Variants in PNLIPRP1 observed in about 807,000 individuals in gnomAD.
PNLIPRP1 encodes inactive pancreatic lipase-related protein 1.
Under a neutral mutation model 54.6 loss-of-function variants are expected in PNLIPRP1, and 57 were observed. The ratio of observed to expected loss-of-function variants is 1.04; its 90% CI spans 0.84 to 1.30. PNLIPRP1 has a LOEUF of 1.30. Ranked by LOEUF, PNLIPRP1 falls within the 50% of genes most tolerant of loss-of-function variation. The probability of loss-of-function intolerance (pLI) is 0.00; values close to 1 mark genes in which losing one functional copy is unlikely to be tolerated. For missense variants in PNLIPRP1, 567 were observed against 568.5 expected, an observed-to-expected ratio of 1.00 and a Z score of 0.03; for synonymous variants, 232 against 208.8, an observed-to-expected ratio of 1.11 and a Z score of -0.96.
intron 4 of PNLIPRP1, 85 bp downstream of exon 4, chr10:116,592,626 C>A: frequency 6.7e-7 from 1 of 1,492,164 alleles, no homozygotes; most frequent in Non-Finnish European, 9.3e-7. Context: ...CTCAAGAAAT[C>A]TTTACATATT....
chr10:116,593,032 G>A, intron 4 of PNLIPRP1: 1 of 204,206 alleles, frequency 4.9e-6, no homozygotes, highest in Non-Finnish European at 1.0e-5. Context: ...GCCTGTTGTG[G>A]TGGCAGGCTC....
chr10:116,608,955 G>A (rs530670141), intron 12 of PNLIPRP1, 98 bp from the exon 13 acceptor site: 2 of 972,932 alleles, frequency 2.1e-6, no homozygotes, highest in East Asian at 2.4e-5. Context: ...AACCCCTTAA[G>A]AAAAACCAAA....
intron 10 of PNLIPRP1, among the ~76,000 whole-genome samples, chr10:116,601,987 A>G (rs1847850052): frequency 6.6e-6 from 1 of 151,772 alleles, no homozygotes; most frequent in South Asian, 2.1e-4. Context: ...GATACAGAAC[A>G]CTTCTATCAC....
chr10:116,592,246 C>T, intron 3 of PNLIPRP1, 170 bp from the exon 4 acceptor site: 1 of 730,738 alleles, frequency 1.4e-6, no homozygotes, highest in South Asian at 1.9e-5. Context: ...AGTGATTACT[C>T]ACCTGGAGAG....
In PNLIPRP1 at chr10:116,594,765, CG is replaced by C. The variant is rs782305323; in HGVS notation, c.367del (p.Val123TrpfsTer33). 7 of 1,614,006 alleles carry C rather than the reference CG, an allele frequency of 4.3e-6. No individual in the cohort carries two copies. Among genetic ancestry groups the C allele is most frequent in the Middle Eastern group, 1.6e-4 (1 of 6,082 alleles). On this transcript the variant is annotated frameshift_variant, in exon 5 of 13. Coordinates refer to ENST00000358834, the MANE Select transcript of PNLIPRP1 (RefSeq NM_006229.4). LOFTEE classifies it high-confidence loss of function. ...AGGTGGAGGAGGTGAACTGCATCTGCGTGGACTGGAAGAAGGGCTCCCAAGC... is the reference window on the plus strand; with the variant it reads ...AGGTGGAGGAGGTGAACTGCATCTGCTGGACTGGAAGAAGGGCTCCCAAGC... ...FEVEEVNCIC[V>X]DWKKGSQATY...
chr10:116,605,648 A>G (rs1847924844), intron 12 of PNLIPRP1, 95 bp downstream of exon 12: 1 of 880,082 alleles, frequency 1.1e-6, no homozygotes, highest in Admixed American at 2.8e-5. Flanking sequence ...GTTAAGCAAG[A>G]AAAGCCAAGA....
chr10:116,596,256 C>T lies in PNLIPRP1; in HGVS notation c.508C>T (p.His170Tyr), dbSNP rs782016102. The T allele has an allele frequency of 1.1e-5, 17 of 1,613,814 alleles. No individual in the cohort carries two copies. The highest frequency in any genetic ancestry group is 1.4e-5 in the Non-Finnish European group (17 of 1,179,856). ...CCCTTCCAAAGTTCACCTCATTGGC[C>T]ACAGCCTGGGAGCCCACGTGGCTGG... ...YPPSKVHLIG[H>Y]SLGAHVAGEA... is the part of the protein sequence containing the mutation. Residue 170 changes from histidine (H) to tyrosine (Y), a missense_variant, in exon 6 of 13, where the codon CAC becomes TAC. Physicochemically the swap from His to Tyr is moderately conservative, Grantham distance 83 (BLOSUM62 2). Coordinates refer to ENST00000358834, the MANE Select transcript of PNLIPRP1 (RefSeq NM_006229.4).
Position 116,605,487 on chromosome 10 carries a change from T to A in PNLIPRP1, c.1274T>A (p.Ile425Lys), listed in dbSNP as rs201123001. ...KVKFLWNNNV[I>K]NPTLPKVGAT... ...AAGTTTCTTTGGAATAACAATGTGA[T>A]AAATCCAACCCTCCCCAAAGTGGGT... The change falls in exon 12 of 13, where the codon ATA becomes AAA. Residue 425 changes from isoleucine to lysine, a missense_variant. Coordinates refer to ENST00000358834, the MANE Select transcript of PNLIPRP1 (RefSeq NM_006229.4). The A allele has an allele frequency of 1.2e-6, 2 of 1,612,362 alleles. No homozygotes were observed. Among genetic ancestry groups the A allele is most frequent in the East Asian group, 2.2e-5 (1 of 44,852 alleles).
chr10:116,603,501 T>G (rs1195839386), intron 10 of PNLIPRP1, among the ~76,000 whole-genome samples: 2 of 152,210 alleles, frequency 1.3e-5, no homozygotes, highest in African/African-American at 4.8e-5. Flanking sequence ...ATGTGGCTGG[T>G]GACCTCCTCC....
intron 4 of PNLIPRP1, 32 bp from the exon 5 acceptor site, chr10:116,594,698 T>C: frequency 6.2e-7 from 1 of 1,613,282 alleles, no homozygotes; most frequent in Non-Finnish European, 8.5e-7. Flanking sequence ...GCTCCCATTA[T>C]CTCCCCAACC....
chr10:116,599,814 C>T (rs1271257376), intron 8 of PNLIPRP1, among the ~76,000 whole-genome samples: 3 of 152,068 alleles, frequency 2.0e-5, no homozygotes, highest in African/African-American at 7.2e-5. Context: ...TACCCACCTC[C>T]TAGGAAGACT....
chr10:116,601,621 C>T lies in PNLIPRP1; in HGVS notation c.1063+420C>T, dbSNP rs368277689. 3.0e-3 allele frequency among the ~76,000 whole-genome samples: 455 copies of T among 152,338 alleles called. 3 individuals carry two copies. The highest frequency in any genetic ancestry group is 0.02 in the Middle Eastern group (6 of 294). On this transcript the variant is annotated intron_variant, in intron 10 of 12. Coordinates refer to ENST00000358834, the MANE Select transcript of PNLIPRP1 (RefSeq NM_006229.4). ...TTAAGAAGCCCAACTCCATTCTCTG[C>T]TTTCCCCTCTGTCTGTGCATCCCTG...
At chr10:116,604,752 G>A (rs148169646) in intron 11 of PNLIPRP1, among the ~76,000 whole-genome samples, 1,454 of 135,536 alleles carry the variant, frequency 0.011, 17 homozygotes, top group African/African-American at 0.033. Flanking sequence ...GCAGTGGCAC[G>A]ATCTTGGCTC....
At chr10:116,600,939 A>T in intron 9 of PNLIPRP1, 133 bp from the exon 10 acceptor site, 2 of 738,490 alleles carry the variant, frequency 2.7e-6, no homozygotes, top group Non-Finnish European at 4.4e-6. Context: ...TTTAGAGATC[A>T]TCTGCTCCAA....
At position 116,605,046 on chromosome 10, in the gene PNLIPRP1, T is replaced by C. The variant is rs544916693; in HGVS notation, c.1173-340T>C. 5.3e-5 allele frequency among the ~76,000 whole-genome samples: 8 copies of C among 152,304 alleles called. No individual in the cohort carries two copies. The East Asian group carries it at 1.5e-3, about 29-fold the overall frequency. ...CATAAATCTAATATTACTTCAGATATGCTGTTTTCTGATTAGTGCAATAAC... is the reference window on the plus strand; with the variant it reads ...CATAAATCTAATATTACTTCAGATACGCTGTTTTCTGATTAGTGCAATAAC... On this transcript the variant is annotated intron_variant, in intron 11 of 12. Coordinates refer to ENST00000358834, the MANE Select transcript of PNLIPRP1 (RefSeq NM_006229.4).
chr10:116,592,009 C>A (rs1477269941), intron 3 of PNLIPRP1, 84 bp downstream of exon 3: 64 of 1,430,708 alleles, frequency 4.5e-5, no homozygotes, highest in Non-Finnish European at 5.8e-5. Flanking sequence ...TATCTCTGTG[C>A]CCTCTTCCTC....
In PNLIPRP1 at chr10:116,594,882, C is replaced by T. The variant is rs200776839; in HGVS notation, c.465+18C>T. 2 of 1,613,070 alleles carry T rather than the reference C, an allele frequency of 1.2e-6. No homozygotes were observed. Among genetic ancestry groups the T allele is most frequent in the South Asian group, 2.2e-5 (2 of 90,932 alleles). On this transcript the variant is annotated intron_variant, in intron 5 of 12. Coordinates refer to ENST00000358834, the MANE Select transcript of PNLIPRP1 (RefSeq NM_006229.4). ...TCCTCTTGGTGAGTCAGCTGGCTGGCCTATGTGAGGAGGGAAGCAGTGCCT... is the reference window on the plus strand; with the variant it reads ...TCCTCTTGGTGAGTCAGCTGGCTGGTCTATGTGAGGAGGGAAGCAGTGCCT...
At chr10:116,592,025 T>C (rs1246047561) in intron 3 of PNLIPRP1, 100 bp downstream of exon 3, 2 of 1,299,080 alleles carry the variant, frequency 1.5e-6, no homozygotes, top group Non-Finnish European at 2.2e-6. Flanking sequence ...TCCTCCACCA[T>C]GCCCCACCCC....
intron 12 of PNLIPRP1, among the ~76,000 whole-genome samples, chr10:116,607,027 T>G (rs1847946673): frequency 6.7e-6 from 1 of 148,188 alleles, no homozygotes; most frequent in Non-Finnish European, 1.5e-5. Context: ...CATTTAATAA[T>G]AATAATAATA....
Sources: gnomAD v4.1 joint callset for allele counts (sites outside exome capture counted in the v4.1 genomes callset) on GRCh38, gnomAD v4.1.1 for gene constraint, MANE v1.5 for transcripts, NCBI Gene and HGNC (gene_info 2026-07-23, HGNC 2026-07-21) for gene names.